ARL8B: variants seen among roughly 807,000 people sequenced by gnomAD.
ARL8B encodes the protein ADP-ribosylation factor-like protein 8B.
ARL8B carries 9 observed loss-of-function variants against 30.6 expected under a neutral mutation model. That is an observed-to-expected ratio of 0.29 (90% CI 0.18 to 0.51). The LOEUF (loss-of-function observed/expected upper bound fraction) is 0.51, where lower values mean the gene tolerates loss of function less well. ARL8B is among the 20% of genes least tolerant of loss of function. The pLI is 0.97. For missense variants in ARL8B, 130 were observed against 227.2 expected, an observed-to-expected ratio of 0.57 and a Z score of 2.75; for synonymous variants, 74 against 76.0, an observed-to-expected ratio of 0.97 and a Z score of 0.14.
At chr3:5,125,625 T>C (rs930041548) in intron 1 of ARL8B, among the ~76,000 whole-genome samples, 1 of 151,658 alleles carries the variant, frequency 6.6e-6, no homozygotes, top group Admixed American at 6.6e-5. Flanking sequence ...CTCTGCCTCC[T>C]GGGTTCAAGC....
At position 5,165,131 on chromosome 3, in the gene ARL8B, C is replaced by T. The variant is rs74467153; in HGVS notation, c.124-5372C>T. Among the ~76,000 whole-genome samples the T allele has an allele frequency of 5.1e-4, 77 of 152,232 alleles. 1 individual carries two copies. In the East Asian group the frequency reaches 0.014, roughly 27 times the overall value. On this transcript the variant is annotated intron_variant, in intron 1 of 6. Transcript: ENST00000256496. Reference sequence around the variant, plus strand: ...TCCATTGTATAATACTAGTTTTCCCCATCTTGCAGCTAATGATCAGTTTGT... The same window carrying T: ...TCCATTGTATAATACTAGTTTTCCCTATCTTGCAGCTAATGATCAGTTTGT...
intron 1 of ARL8B, among the ~76,000 whole-genome samples, chr3:5,141,861 T>C (rs2054376468): frequency 2.0e-5 from 3 of 152,166 alleles, no homozygotes; most frequent in South Asian, 4.1e-4. Flanking sequence ...AATTGATGAA[T>C]CTTTGTTGAT....
chr3:5,153,278 C>T (rs1172761126), intron 1 of ARL8B, among the ~76,000 whole-genome samples: 1 of 152,148 alleles, frequency 6.6e-6, no homozygotes, highest in East Asian at 1.9e-4. Context: ...TCCCATGTGT[C>T]ATGGGAGGAA....
rs371173417 is a variant in ARL8B at position 5,135,405 on chromosome 3, T to G, written c.123+12817T>G. Among the ~76,000 whole-genome samples the G allele has an allele frequency of 3.3e-3, 495 of 151,382 alleles. 2 individuals are homozygous for G. The highest frequency in any genetic ancestry group is 0.012 in the African/African-American group (478 of 41,182). ...AAATAATTCTCTGCCTCAGCCTCCC[T>G]AAGTGCTGAGATTGCAGGTGTGAGC... On this transcript the variant is annotated intron_variant, in intron 1 of 6. Coordinates refer to ENST00000256496, the MANE Select transcript of ARL8B (RefSeq NM_018184.3).
intron 4 of ARL8B, among the ~76,000 whole-genome samples, chr3:5,173,487 A>G (rs1310517437): frequency 1.3e-5 from 2 of 152,310 alleles, no homozygotes; most frequent in East Asian, 3.9e-4. Context: ...CTGTAATCCC[A>G]GCACTTTGGG....
intron 2 of ARL8B, among the ~76,000 whole-genome samples, 169 bp from the exon 3 acceptor site, chr3:5,171,981 G>A (rs949526224): frequency 1.3e-5 from 2 of 152,322 alleles, no homozygotes; most frequent in Admixed American, 6.5e-5. Context: ...GTGGCCCCAA[G>A]AATTCCCATA....
rs751884170 is a variant in ARL8B, at chr3:5,122,510, C to T, written c.45C>T (p.Leu15=). 3.1e-6 allele frequency: 5 copies of T among 1,613,594 alleles called. 1 individual carries two copies. Among genetic ancestry groups the T allele is most frequent in the East Asian group, 2.2e-5 (1 of 44,874 alleles). Residue 15 remains leucine, a synonymous_variant, in exon 1 of 7, where the codon CTC becomes CTT. Coordinates refer to ENST00000256496, the MANE Select transcript of ARL8B (RefSeq NM_018184.3). ...ISRLLDWFRS[L]FWKEEMELTL... ...GCCTGCTGGACTGGTTCCGTTCGCT[C>T]TTCTGGAAGGAAGAGATGGAGCTGA...
intron 1 of ARL8B, among the ~76,000 whole-genome samples, chr3:5,127,348 C>CT (rs1232401974): frequency 6.6e-6 from 1 of 152,124 alleles, no homozygotes; most frequent in Non-Finnish European, 1.5e-5. Flanking sequence ...CATTAAACAT[C>CT]TTTTTTGTAT....
chr3:5,143,442 C>G (rs905986469), intron 1 of ARL8B, among the ~76,000 whole-genome samples: 1 of 152,184 alleles, frequency 6.6e-6, no homozygotes, highest in Non-Finnish European at 1.5e-5. Context: ...ACGTGCAATC[C>G]ACTTCTTCAG....
intron 6 of ARL8B, among the ~76,000 whole-genome samples, chr3:5,178,409 G>A (rs1303266170): frequency 2.0e-5 from 2 of 100,138 alleles, no homozygotes; most frequent in Admixed American, 2.6e-4. Context: ...CTGATTGATT[G>A]TGTGGGCAAC....
intron 1 of ARL8B, among the ~76,000 whole-genome samples, chr3:5,129,477 G>A (rs945317849): frequency 6.6e-6 from 1 of 152,142 alleles, no homozygotes; most frequent in Admixed American, 6.5e-5. Context: ...TGCTCTGTTT[G>A]TGTTTAATAT....
chr3:5,164,787 A>G (rs1333058419), intron 1 of ARL8B, among the ~76,000 whole-genome samples: 2 of 152,180 alleles, frequency 1.3e-5, no homozygotes, highest in African/African-American at 4.8e-5. Context: ...AGGATCAGGT[A>G]CCTTTTGGAT....
intron 1 of ARL8B, chr3:5,128,420 A>G (rs1210851957): frequency 2.2e-6 from 1 of 452,392 alleles, no homozygotes. Context: ...AAAGTTTTCT[A>G]CCCTTCATCC....
intron 1 of ARL8B, among the ~76,000 whole-genome samples, chr3:5,161,375 C>G (rs903105527): frequency 8.5e-5 from 13 of 152,170 alleles, no homozygotes; most frequent in African/African-American, 3.1e-4. Context: ...GGTCCTCAGT[C>G]TGAAGTGTAT....
rs148781718 is a variant in ARL8B, at chr3:5,133,715, C to G, written c.123+11127C>G. Among the ~76,000 whole-genome samples the G allele has an allele frequency of 2.6e-5, 4 of 152,150 alleles. No homozygotes were observed. In the East Asian group the frequency reaches 7.7e-4, roughly 29 times the overall value. ...CTGAGAAGGGTGTGGATCCTTTGAG[C>G]TCAGGAGTTCAAGGCCAGCTTAGGC... On this transcript the variant is annotated intron_variant, in intron 1 of 6. Transcript: ENST00000256496.
intron 1 of ARL8B, among the ~76,000 whole-genome samples, chr3:5,158,968 C>G (rs1370001273): frequency 6.6e-6 from 1 of 152,100 alleles, no homozygotes. Flanking sequence ...TTTTCTAAAA[C>G]TGAAGGACAG....
chr3:5,167,836 C>G (rs1470255576), intron 1 of ARL8B, among the ~76,000 whole-genome samples: 3 of 152,110 alleles, frequency 2.0e-5, no homozygotes, highest in Admixed American at 2.0e-4. Flanking sequence ...TAAGCAGCTT[C>G]TTGACAGCTC....
chr3:5,159,663 A>G (rs1421419131), intron 1 of ARL8B, among the ~76,000 whole-genome samples: 2 of 151,650 alleles, frequency 1.3e-5, no homozygotes, highest in Non-Finnish European at 2.9e-5. Flanking sequence ...TTTGTTACAT[A>G]CATATCTTAC....
At chr3:5,153,063 CT>C (rs2054498164) in intron 1 of ARL8B, among the ~76,000 whole-genome samples, 1 of 151,958 alleles carries the variant, frequency 6.6e-6, no homozygotes, top group South Asian at 2.1e-4. Flanking sequence ...TTGACTGTTC[CT>C]TGCAGTGGTT....
Sources: gnomAD v4.1 joint callset for allele counts (sites outside exome capture counted in the v4.1 genomes callset) on GRCh38, gnomAD v4.1.1 for gene constraint, MANE v1.5 for transcripts, NCBI Gene and HGNC (gene_info 2026-07-23, HGNC 2026-07-21) for gene names.